The following ATP9A variants were observed in gnomAD, a reference collection of about 807,000 sequenced individuals.
The protein encoded by ATP9A is probable phospholipid-transporting ATPase IIA.
In ATP9A, 52 loss-of-function variants were observed where a neutral mutation model predicts 144.1. That is an observed-to-expected ratio of 0.36 (90% CI 0.29 to 0.45). The LOEUF is 0.45. Ranked by LOEUF, ATP9A falls within the 20% of genes least tolerant of loss-of-function variation. The pLI, the probability that ATP9A is intolerant of heterozygous loss-of-function variation, is 1.00. For missense variants in ATP9A, 947 were observed against 1,392.7 expected (o/e 0.68, Z 5.09); for synonymous variants, 582 against 557.4 (o/e 1.04, Z -0.62).
intron 10 of ATP9A, among the ~76,000 whole-genome samples, chr20:51,675,680 G>A (rs1341304071): frequency 6.6e-6 from 1 of 152,174 alleles, no homozygotes; most frequent in Non-Finnish European, 1.5e-5. Flanking sequence ...CGGAGCTTGA[G>A]ACCAGCCTGG....
At chr20:51,662,220 G>A (rs2077413704) in intron 13 of ATP9A, among the ~76,000 whole-genome samples, 2 of 152,200 alleles carry the variant, frequency 1.3e-5, no homozygotes, top group Non-Finnish European at 2.9e-5. Flanking sequence ...TCAATATACT[G>A]TTCTTCACGA....
At chr20:51,614,443 G>C (rs2077195420) in intron 22 of ATP9A, among the ~76,000 whole-genome samples, 1 of 152,148 alleles carries the variant, frequency 6.6e-6, no homozygotes, top group Non-Finnish European at 1.5e-5. Flanking sequence ...TGGGAGCACA[G>C]ACATGCACCA....
At chr20:51,762,799 T>G (rs1203446298) in intron 1 of ATP9A, among the ~76,000 whole-genome samples, 1 of 147,562 alleles carries the variant, frequency 6.8e-6, no homozygotes, top group East Asian at 2.0e-4. Flanking sequence ...CACCTACGCT[T>G]CCTGGGCTCA....
chr20:51,729,077 A>G (rs2077728228), intron 2 of ATP9A, among the ~76,000 whole-genome samples: 2 of 152,190 alleles, frequency 1.3e-5, no homozygotes, highest in African/African-American at 4.8e-5. Context: ...TTCTCTCTAT[A>G]GATGGTAAGA....
intron 1 of ATP9A, among the ~76,000 whole-genome samples, chr20:51,764,271 C>T (rs1796572934): frequency 6.6e-6 from 1 of 152,218 alleles, no homozygotes; most frequent in African/African-American, 2.4e-5. Flanking sequence ...TGCGTCCTGG[C>T]TCCTAACAAA....
At chr20:51,744,497 T>G (rs562236269) in intron 1 of ATP9A, among the ~76,000 whole-genome samples, 1 of 152,184 alleles carries the variant, frequency 6.6e-6, no homozygotes, top group Admixed American at 6.6e-5. Context: ...AAAATTGATT[T>G]TCTTAGGATT....
At chr20:51,699,735 T>C (rs1288788444) in intron 4 of ATP9A, among the ~76,000 whole-genome samples, 5 of 151,986 alleles carry the variant, frequency 3.3e-5, no homozygotes, top group Non-Finnish European at 5.9e-5. Flanking sequence ...CTCCACCTCC[T>C]GGATTCAAGC....
At chr20:51,738,241 G>A (rs1277205311) in intron 1 of ATP9A, among the ~76,000 whole-genome samples, 3 of 152,028 alleles carry the variant, frequency 2.0e-5, no homozygotes, top group African/African-American at 7.2e-5. Flanking sequence ...TGTTGGTCAG[G>A]CTGGTCTCGA....
intron 9 of ATP9A, among the ~76,000 whole-genome samples, chr20:51,684,112 G>A (rs954524524): frequency 6.6e-6 from 1 of 152,094 alleles, no homozygotes; most frequent in African/African-American, 2.4e-5. Flanking sequence ...TTGAACCCAG[G>A]AGGTCGAGGC....
At chr20:51,695,585 G>T (rs1307809299) in intron 6 of ATP9A, among the ~76,000 whole-genome samples, 2 of 151,882 alleles carry the variant, frequency 1.3e-5, no homozygotes, top group Non-Finnish European at 2.9e-5. Flanking sequence ...AGACTTCAGA[G>T]ATTCCCACCC....
At chr20:51,606,160 GGCCGGAGAATC>G (rs2077162794) in intron 26 of ATP9A, among the ~76,000 whole-genome samples, 1 of 151,958 alleles carries the variant, frequency 6.6e-6, no homozygotes, top group African/African-American at 2.4e-5. Context: ...GGGAGGCTGA[GGCCGGAGAATC>G]GCTTGAAACC....
At chr20:51,656,582 C>CT (rs1444755658) in intron 14 of ATP9A, among the ~76,000 whole-genome samples, 3 of 151,990 alleles carry the variant, frequency 2.0e-5, no homozygotes, top group Non-Finnish European at 4.4e-5. Flanking sequence ...AAAAGTCATA[C>CT]TTTAAATAGG....
intron 23 of ATP9A, 102 bp downstream of exon 23, chr20:51,613,575 T>A: frequency 8.0e-7 from 1 of 1,252,874 alleles, no homozygotes; most frequent in Non-Finnish European, 1.1e-6. Context: ...TTTTCCATGA[T>A]AATTACATAG....
At chr20:51,723,637 ACCTCCGC>A (rs1238080426) in intron 3 of ATP9A, among the ~76,000 whole-genome samples, 1 of 135,054 alleles carries the variant, frequency 7.4e-6, no homozygotes, top group East Asian at 2.5e-4. Flanking sequence ...GCTCACTGCC[ACCTCCGC>A]CTCCCGGATT....
intron 9 of ATP9A, among the ~76,000 whole-genome samples, chr20:51,686,448 C>CA (rs1480341222): frequency 3.3e-5 from 5 of 149,810 alleles, no homozygotes; most frequent in African/African-American, 1.2e-4. Flanking sequence ...CAAACAAAAA[C>CA]AAAAAACAAA....
At chr20:51,708,870 A>G (rs1601118549) in intron 4 of ATP9A, among the ~76,000 whole-genome samples, 2 of 152,356 alleles carry the variant, frequency 1.3e-5, no homozygotes, top group East Asian at 3.9e-4. Flanking sequence ...ATCACGAAAG[A>G]CAAAGAAAAC....
intron 13 of ATP9A, among the ~76,000 whole-genome samples, chr20:51,665,767 G>A (rs201354342): frequency 1.3e-5 from 2 of 151,296 alleles, no homozygotes; most frequent in African/African-American, 4.9e-5. Context: ...TAACCCAGGG[G>A]AAAAACCATC....
intron 15 of ATP9A, among the ~76,000 whole-genome samples, chr20:51,633,420 G>A (rs1307610090): frequency 2.0e-5 from 3 of 152,170 alleles, no homozygotes; most frequent in African/African-American, 7.2e-5. Context: ...GAAATCCCTT[G>A]AAAAGGTAAA....
At chr20:51,606,954 C>T (rs1369505006) in intron 26 of ATP9A, among the ~76,000 whole-genome samples, 1 of 150,358 alleles carries the variant, frequency 6.7e-6, no homozygotes, top group Non-Finnish European at 1.5e-5. Flanking sequence ...ATGTGCACTA[C>T]AAAACATACA....
Sources: allele counts gnomAD v4.1 joint callset (sites outside exome capture counted in the v4.1 genomes callset), GRCh38; gene constraint gnomAD v4.1.1; transcripts MANE v1.5; gene names NCBI Gene and HGNC (gene_info 2026-07-23, HGNC 2026-07-21).